CCDC102B: variants seen among roughly 807,000 people sequenced by gnomAD.
The protein encoded by CCDC102B is coiled-coil domain containing 102B, also known as coiled-coil domain-containing protein 102B.
CCDC102B carries 75 observed loss-of-function variants against 57.4 expected under a neutral mutation model. The ratio of observed to expected loss-of-function variants is 1.31; its 90% CI spans 1.08 to 1.58. CCDC102B has a LOEUF of 1.58. Among genes scored for constraint, CCDC102B ranks in the 40% most tolerant of loss-of-function variants. CCDC102B has a pLI of 0.00. For synonymous variants in CCDC102B, 206 were observed against 201.9 expected, an observed-to-expected ratio of 1.02 and a Z score of -0.17; for missense variants, 636 against 582.6, an observed-to-expected ratio of 1.09 and a Z score of -0.94.
chr18:68,873,291 T>C (rs185541285), intron 4 of CCDC102B, among the ~76,000 whole-genome samples: 1 of 152,264 alleles, frequency 6.6e-6, no homozygotes, highest in Admixed American at 6.5e-5. Context: ...ATGGAGTCTT[T>C]CTGTAGTGTT....
At chr18:68,778,271 C>G (rs1048910461) in intron 2 of CCDC102B, among the ~76,000 whole-genome samples, 4 of 152,160 alleles carry the variant, frequency 2.6e-5, no homozygotes, top group Non-Finnish European at 5.9e-5. Flanking sequence ...TTTCCAAAAA[C>G]AACACCATCC....
intron 2 of CCDC102B, among the ~76,000 whole-genome samples, chr18:68,788,462 C>G (rs1406046431): frequency 8.5e-4 from 128 of 151,192 alleles, no homozygotes; most frequent in Non-Finnish European, 2.4e-4. Context: ...GTGTGGGAGT[C>G]TAAGTCTCTT....
rs376636168 is a variant in CCDC102B at position 68,998,595 on chromosome 18, A to G, written c.1264-12339A>G. ...GCCAGTCCGAGTACCAAAACCCCCA[A>G]AGTAGGGAAGCCAACAGTTCAGCTT... On this transcript the variant is annotated intron_variant, in intron 6 of 7. Transcript: ENST00000360242. Among the ~76,000 whole-genome samples, 13 of 7,042 alleles carry G rather than the reference A, an allele frequency of 1.8e-3. No individual in the cohort carries two copies. In the South Asian group the frequency reaches 0.33, roughly 181 times the overall value. The allele number at this position is 7,042 out of a possible 152,430, so 4.6% of individuals were successfully genotyped here.
At chr18:68,807,379 G>T (rs1230665009) in intron 1 of CCDC102B, among the ~76,000 whole-genome samples, 1 of 152,024 alleles carries the variant, frequency 6.6e-6, no homozygotes, top group Non-Finnish European at 1.5e-5. Context: ...TAAATGCAAT[G>T]TATAGATCTG....
chr18:68,969,401 G>A (rs1333791731), intron 6 of CCDC102B, among the ~76,000 whole-genome samples: 2 of 151,814 alleles, frequency 1.3e-5, no homozygotes, highest in African/African-American at 2.4e-5. Context: ...AAGGTTTTGC[G>A]GTTGAAATTT....
intron 2 of CCDC102B, among the ~76,000 whole-genome samples, chr18:68,720,180 C>T (rs554406121): frequency 3.3e-5 from 5 of 152,248 alleles, no homozygotes; most frequent in African/African-American, 7.2e-5. Flanking sequence ...ACATGTTGTG[C>T]TGTAAAGGTT....
chr18:68,899,319 A>G (rs184180537), intron 6 of CCDC102B, among the ~76,000 whole-genome samples: 1 of 152,074 alleles, frequency 6.6e-6, no homozygotes, highest in Non-Finnish European at 1.5e-5. Context: ...AGGTTTAGGG[A>G]ATAATGTAGA....
intron 1 of CCDC102B, among the ~76,000 whole-genome samples, chr18:68,813,003 G>A (rs1302533907): frequency 6.6e-6 from 1 of 151,954 alleles, no homozygotes; most frequent in Non-Finnish European, 1.5e-5. Flanking sequence ...AGGTGATATG[G>A]TTTGGCTCTG....
chr18:68,885,081 C>T (rs1160622508), intron 5 of CCDC102B, among the ~76,000 whole-genome samples: 1 of 151,754 alleles, frequency 6.6e-6, no homozygotes, highest in Non-Finnish European at 1.5e-5. Context: ...ACAGCAAAAA[C>T]ATTGATTAGC....
chr18:68,841,718 A>G (rs1026345659), intron 3 of CCDC102B, among the ~76,000 whole-genome samples: 4 of 151,838 alleles, frequency 2.6e-5, no homozygotes, highest in Non-Finnish European at 4.4e-5. Context: ...TTTCCATTTT[A>G]TCATTTTATC....
intron 6 of CCDC102B, among the ~76,000 whole-genome samples, chr18:68,933,652 CAG>C (rs1217437325): frequency 1.3e-5 from 2 of 151,846 alleles, no homozygotes; most frequent in Non-Finnish European, 2.9e-5. Flanking sequence ...AATACAGTGT[CAG>C]CTTAAATATT....
At chr18:69,026,283 C>T (rs1178580769) in intron 7 of CCDC102B, among the ~76,000 whole-genome samples, 4 of 151,944 alleles carry the variant, frequency 2.6e-5, no homozygotes, top group South Asian at 2.1e-4. Context: ...CTGACCAATA[C>T]GGTGAAAACC....
At chr18:68,788,331 G>C (rs1351445915) in intron 2 of CCDC102B, among the ~76,000 whole-genome samples, 1 of 150,724 alleles carries the variant, frequency 6.6e-6, no homozygotes, top group Non-Finnish European at 1.5e-5. Context: ...GAGTTCTGTA[G>C]ATGTCTATTA....
rs151293615 is a variant in CCDC102B, at chr18:69,047,565, A to C, written c.1435-6465A>C. Among the ~76,000 whole-genome samples, 18 of 152,224 alleles carry C rather than the reference A, an allele frequency of 1.2e-4. No homozygotes were observed. In the Middle Eastern group the frequency reaches 0.01, roughly 86 times the overall value. On this transcript the variant is annotated intron_variant, in intron 7 of 7. Transcript: ENST00000360242. ...GAGCTATCAGGCAAGAGAGAAATAA[A>C]ACGCATCCAAATTGGAAGAGAGAAT... is the stretch of plus-strand genomic sequence containing the variant.
At chr18:69,032,131 T>C (rs2052162990) in intron 7 of CCDC102B, among the ~76,000 whole-genome samples, 1 of 152,012 alleles carries the variant, frequency 6.6e-6, no homozygotes, top group South Asian at 2.1e-4. Flanking sequence ...TCTCATTGAG[T>C]TTTTTTGATG....
At chr18:69,045,526 AT>A (rs1350964384) in intron 7 of CCDC102B, among the ~76,000 whole-genome samples, 1 of 152,130 alleles carries the variant, frequency 6.6e-6, no homozygotes, top group African/African-American at 2.4e-5. Flanking sequence ...TTAAAAATAA[AT>A]TTTACTTAAA....
At chr18:68,913,166 C>T (rs1244621035) in intron 6 of CCDC102B, among the ~76,000 whole-genome samples, 1 of 151,944 alleles carries the variant, frequency 6.6e-6, no homozygotes, top group Non-Finnish European at 1.5e-5. Context: ...ATTTAAATTC[C>T]CACAGCATTT....
chr18:68,782,927 T>C (rs1377137251), intron 2 of CCDC102B, among the ~76,000 whole-genome samples: 1 of 152,208 alleles, frequency 6.6e-6, no homozygotes, highest in Non-Finnish European at 1.5e-5. Flanking sequence ...TTTAGTGTAA[T>C]TGAATGTATG....
chr18:68,766,831 A>T (rs944774113), intron 2 of CCDC102B, among the ~76,000 whole-genome samples: 1 of 152,174 alleles, frequency 6.6e-6, no homozygotes, highest in Non-Finnish European at 1.5e-5. Context: ...AAGCAAAATT[A>T]TGAGTTTGGG....
Sources: allele counts gnomAD v4.1 joint callset (sites outside exome capture counted in the v4.1 genomes callset), GRCh38; gene constraint gnomAD v4.1.1; transcripts MANE v1.5; gene names NCBI Gene and HGNC (gene_info 2026-07-23, HGNC 2026-07-21).